Variants in NDE1 observed in about 807,000 individuals in gnomAD.
NDE1 encodes nuclear distribution protein nudE homolog 1.
In NDE1, 28 loss-of-function variants were observed where a neutral mutation model predicts 43.4. That is an observed-to-expected ratio of 0.65 (90% CI 0.48 to 0.89). NDE1 has a LOEUF of 0.89. Ranked by LOEUF, NDE1 falls within the 40% of genes least tolerant of loss-of-function variation. The pLI is 0.00. For synonymous variants in NDE1, 184 were observed against 172.0 expected (o/e 1.07, Z -0.55); for missense variants, 441 against 434.1 (o/e 1.02, Z -0.14).
intron 8 of NDE1, chr16:15,701,801 C>T (rs535259377): frequency 2.0e-5 from 3 of 152,254 alleles, no homozygotes; most frequent in South Asian, 2.1e-4. Flanking sequence ...ACTGAAATTC[C>T]GCAGAGAATT....
intron 1 of NDE1, chr16:15,643,971 T>C (rs1262243751): frequency 6.6e-6 from 1 of 151,944 alleles, no homozygotes; most frequent in East Asian, 1.9e-4. Flanking sequence ...AGATATGCTG[T>C]GTGGTTTGCT....
intron 1 of NDE1, among the ~76,000 whole-genome samples, chr16:15,644,787 G>A (rs907193636): frequency 5.3e-5 from 8 of 151,940 alleles, no homozygotes; most frequent in South Asian, 2.1e-4. Context: ...TTTCAGTTGA[G>A]TATGTTTCAA....
intron 1 of NDE1, among the ~76,000 whole-genome samples, chr16:15,661,015 G>A (rs918256902): frequency 6.6e-6 from 1 of 152,118 alleles, no homozygotes; most frequent in African/African-American, 2.4e-5. Flanking sequence ...CTTTCAAATG[G>A]ATATTGTTGA....
chr16:15,707,428 G>A (rs369032907), intron 8 of NDE1, among the ~76,000 whole-genome samples: 23 of 152,130 alleles, frequency 1.5e-4, no homozygotes, highest in East Asian at 7.7e-4. Context: ...GTTTCCCACT[G>A]ACCAGTGGGT....
At chr16:15,687,316 G>A (rs773430180) in intron 4 of NDE1, 59 bp from the exon 5 acceptor site, 18 of 1,612,438 alleles carry the variant, frequency 1.1e-5, no homozygotes, top group East Asian at 1.1e-4. Flanking sequence ...CTGGATCCGC[G>A]GTGCTGGAGG....
In NDE1 at chr16:15,687,283, G is replaced by C. The variant is rs1410563964; in HGVS notation, c.387-92G>C. 1.9e-6 allele frequency: 3 copies of C among 1,605,328 alleles called. No homozygotes were observed. In the East Asian group the frequency reaches 6.7e-5, roughly 36 times the overall value. ...GTTTGGGGCTGGGACTTGTGCCCAG[G>C]TGTGTCTGACCCTTCGCACCTCCTG... On this transcript the variant is annotated intron_variant, in intron 4 of 8. Transcript: ENST00000396354.
intron 7 of NDE1, chr16:15,694,941 G>A (rs2151134534): frequency 1.0e-6 from 1 of 974,590 alleles, no homozygotes; most frequent in Non-Finnish European, 1.2e-6. Flanking sequence ...GGAGGCCAAG[G>A]TGGGAGATTA....
At chr16:15,658,326 T>A (rs952296596) in intron 1 of NDE1, among the ~76,000 whole-genome samples, 2 of 152,226 alleles carry the variant, frequency 1.3e-5, no homozygotes, top group Admixed American at 6.5e-5. Flanking sequence ...AAGCCAATCA[T>A]TGGCTCAGCA....
chr16:15,719,061 G>T (rs896433775), intron 8 of NDE1: 1 of 707,402 alleles, frequency 1.4e-6, no homozygotes, highest in African/African-American at 1.7e-5. Context: ...CTGGGAGGTG[G>T]AGGTTGCAGT....
intron 8 of NDE1, chr16:15,715,128 C>T: frequency 1.9e-6 from 3 of 1,605,716 alleles, no homozygotes; most frequent in Non-Finnish European, 2.6e-6. Context: ...CGGCTGGGGG[C>T]TGGGGGCTCG....
intron 1 of NDE1, among the ~76,000 whole-genome samples, chr16:15,663,722 T>C (rs2037164332): frequency 6.6e-6 from 1 of 152,194 alleles, no homozygotes; most frequent in South Asian, 2.1e-4. Flanking sequence ...TTATTGCATG[T>C]CAAAATCCTG....
At chr16:15,705,438 G>T (rs190582160) in intron 8 of NDE1, among the ~76,000 whole-genome samples, 60 of 152,260 alleles carry the variant, frequency 3.9e-4, no homozygotes, top group Non-Finnish European at 6.8e-4. Context: ...GGAAGAGAGT[G>T]GGCAGAAGAA....
intron 1 of NDE1, among the ~76,000 whole-genome samples, chr16:15,656,808 C>G (rs1160698424): frequency 6.6e-6 from 1 of 151,932 alleles, no homozygotes; most frequent in Non-Finnish European, 1.5e-5. Flanking sequence ...CCCAAAGTAT[C>G]AGGATTACAG....
upstream of NDE1, among the ~76,000 whole-genome samples, chr16:15,649,021 C>T (rs1285245216): frequency 6.6e-6 from 1 of 151,898 alleles, no homozygotes; most frequent in African/African-American, 2.4e-5. Flanking sequence ...CATGGTGAAA[C>T]CCCGTCTCTA....
chr16:15,704,180 A>G (rs1567668891), intron 8 of NDE1: 25 of 1,603,026 alleles, frequency 1.6e-5, no homozygotes, highest in Non-Finnish European at 2.1e-5. Flanking sequence ...GTTGGGATAG[A>G]TTTTTTATAA....
At chr16:15,677,599 A>C (rs531932679) in intron 3 of NDE1, among the ~76,000 whole-genome samples, 1 of 151,830 alleles carries the variant, frequency 6.6e-6, no homozygotes, top group Non-Finnish European at 1.5e-5. Context: ...AGAAAAAAAA[A>C]AAAACACGGA....
chr16:15,695,012 G>T (rs1467023532), intron 7 of NDE1: 1 of 712,992 alleles, frequency 1.4e-6, no homozygotes, highest in Non-Finnish European at 1.7e-6. Context: ...GCCCCGACTT[G>T]GCCTCTACAA....
chr16:15,656,519 T>TTTA (rs58046044), intron 1 of NDE1, among the ~76,000 whole-genome samples: 6,742 of 151,208 alleles, frequency 0.045, 252 homozygotes, highest in East Asian at 0.18. Context: ...GCTCTTTTCT[T>TTTA]TTATTATTAT....
intron 8 of NDE1, chr16:15,717,269 C>A: frequency 1.2e-6 from 2 of 1,614,000 alleles, no homozygotes; most frequent in Non-Finnish European, 8.5e-7. Context: ...CTTGTTCTGC[C>A]GCTCGAGCTG....
Sources: allele counts gnomAD v4.1 joint callset (sites outside exome capture counted in the v4.1 genomes callset), GRCh38; gene constraint gnomAD v4.1.1; transcripts MANE v1.5; gene names NCBI Gene and HGNC (gene_info 2026-07-23, HGNC 2026-07-21).